TMEM244: variants seen among roughly 807,000 people sequenced by gnomAD.
TMEM244 encodes the protein putative transmembrane protein 244.
Under a neutral mutation model 15.8 loss-of-function variants are expected in TMEM244, and 13 were observed. That is an observed-to-expected ratio of 0.82 (90% confidence interval 0.53 to 1.30). The LOEUF is 1.30. TMEM244 is among the 50% of genes most tolerant of loss of function. The probability of loss-of-function intolerance (pLI) is 0.00; values close to 1 mark genes in which losing one functional copy is unlikely to be tolerated. For missense variants in TMEM244, 161 were observed against 144.9 expected (o/e 1.11, Z -0.57); for synonymous variants, 45 against 48.7 (o/e 0.92, Z 0.32).
Position 129,857,343 on chromosome 6 carries a change from T to C in TMEM244, c.33+3813A>G, listed in dbSNP as rs368357078. Among the ~76,000 whole-genome samples, 351 of 107,044 alleles carry C rather than the reference T, an allele frequency of 3.3e-3. 1 individual carries two copies. Among genetic ancestry groups the C allele is most frequent in the African/African-American group, 9.7e-3 (307 of 31,808 alleles). 70.2% of individuals were successfully genotyped at this position (107,044 alleles called of 152,430 possible). A position where few individuals can be genotyped will look rare whatever the true frequency, so the allele number is the denominator to read the frequency against. On this transcript the variant is annotated intron_variant, in intron 1 of 4. Transcript: ENST00000368143. Reference sequence around the variant, plus strand: ...ACACACACACACACACACACACACATATATATATACATATATAAATTATTT... The same window carrying C: ...ACACACACACACACACACACACACACATATATATACATATATAAATTATTT...
At chr6:129,831,552 T>C (rs376976847) in intron 4 of TMEM244, among the ~76,000 whole-genome samples, 166 bp from the exon 5 acceptor site, 1 of 152,190 alleles carries the variant, frequency 6.6e-6, no homozygotes, top group African/African-American at 2.4e-5. Flanking sequence ...GTCTAAAAGG[T>C]CATTTGTTAA....
chr6:129,853,510 G>C (rs1051132840), intron 1 of TMEM244, among the ~76,000 whole-genome samples: 2 of 151,516 alleles, frequency 1.3e-5, no homozygotes, highest in African/African-American at 4.9e-5. Flanking sequence ...ATGTGCACCA[G>C]TCTGCAAATT....
intron 1 of TMEM244, among the ~76,000 whole-genome samples, chr6:129,858,144 T>C (rs1301987158): frequency 6.6e-6 from 1 of 152,114 alleles, no homozygotes; most frequent in Non-Finnish European, 1.5e-5. Flanking sequence ...ATGTTTAGAT[T>C]TTTCTGTATT....
At chr6:129,832,346 C>A (rs1003083277) in intron 4 of TMEM244, among the ~76,000 whole-genome samples, 1 of 152,154 alleles carries the variant, frequency 6.6e-6, no homozygotes, top group Non-Finnish European at 1.5e-5. Flanking sequence ...GATCTGCCCA[C>A]CTCAGCCTCC....
chr6:129,839,341 C>T (rs1362524329), intron 3 of TMEM244, among the ~76,000 whole-genome samples: 4 of 152,162 alleles, frequency 2.6e-5, no homozygotes, highest in Non-Finnish European at 5.9e-5. Context: ...ATGATTGTCT[C>T]AATAGATGCA....
intron 4 of TMEM244, among the ~76,000 whole-genome samples, 183 bp from the exon 5 acceptor site, chr6:129,831,569 C>A (rs117830188): frequency 6.6e-6 from 1 of 152,192 alleles, no homozygotes; most frequent in Non-Finnish European, 1.5e-5. Context: ...TTAAGTCAAA[C>A]CTTTACAACT....
intron 1 of TMEM244, among the ~76,000 whole-genome samples, chr6:129,858,686 C>T (rs1776753544): frequency 6.6e-6 from 1 of 152,082 alleles, no homozygotes; most frequent in Non-Finnish European, 1.5e-5. Context: ...TCTTCAGCCC[C>T]CAAAATATTG....
At chr6:129,860,638 C>T (rs112468268) in intron 1 of TMEM244, among the ~76,000 whole-genome samples, 255 of 151,870 alleles carry the variant, frequency 1.7e-3, no homozygotes, top group Admixed American at 2.9e-3. Flanking sequence ...TCCTTGTTTT[C>T]GATTGTTTGA....
chr6:129,859,259 T>C (rs1776766117), intron 1 of TMEM244, among the ~76,000 whole-genome samples: 2 of 152,258 alleles, frequency 1.3e-5, no homozygotes, highest in Non-Finnish European at 2.9e-5. Context: ...TCTGAACATG[T>C]ATACAATTCT....
intron 2 of TMEM244, among the ~76,000 whole-genome samples, chr6:129,844,094 G>GA (rs35579699): frequency 0.74 from 112,836 of 151,898 alleles, 42,848 homozygotes; most frequent in Non-Finnish European, 0.82. Context: ...ATGTAATGTT[G>GA]AAAAAAGTTA....
Position 129,840,182 on chromosome 6 carries a change from C to T in TMEM244, c.193+3348G>A, listed in dbSNP as rs184009481. Among the ~76,000 whole-genome samples the T allele has an allele frequency of 4.2e-3, 645 of 152,276 alleles. 9 individuals carry two copies. The highest frequency in any genetic ancestry group is 0.041 in the South Asian group (197 of 4,822). On this transcript the variant is annotated intron_variant, in intron 3 of 4. Coordinates refer to ENST00000368143, the MANE Select transcript of TMEM244 (RefSeq NM_001010876.2). ...TCACGCTACCTGACTTCAAACTATG[C>T]TACACAGCTACAGTAACCAAAACAG...
intron 3 of TMEM244, among the ~76,000 whole-genome samples, chr6:129,840,130 T>G (rs1031970124): frequency 2.0e-5 from 3 of 152,198 alleles, no homozygotes; most frequent in Non-Finnish European, 2.9e-5. Flanking sequence ...AAGACAATCC[T>G]AAGCAAAAAG....
intron 2 of TMEM244, among the ~76,000 whole-genome samples, chr6:129,845,375 A>G (rs1353988015): frequency 6.6e-6 from 1 of 152,254 alleles, no homozygotes; most frequent in Non-Finnish European, 1.5e-5. Context: ...TCTTTCCATG[A>G]GCATCCTCTG....
At chr6:129,860,101 ATGCGTGTG>A (rs1776778605) in intron 1 of TMEM244, among the ~76,000 whole-genome samples, 4 of 112,874 alleles carry the variant, frequency 3.5e-5, no homozygotes, top group East Asian at 2.8e-4. Flanking sequence ...TTTCTCTGCA[ATGCGTGTG>A]TGTGTGTGTG....
chr6:129,853,286 C>G (rs1211760002), intron 1 of TMEM244, among the ~76,000 whole-genome samples: 4 of 152,014 alleles, frequency 2.6e-5, no homozygotes, highest in African/African-American at 9.7e-5. Context: ...AACGGCTCCT[C>G]TCTTTGGAAA....
intron 1 of TMEM244, among the ~76,000 whole-genome samples, chr6:129,846,426 C>T (rs1562199023): frequency 6.6e-6 from 1 of 151,992 alleles, no homozygotes; most frequent in Non-Finnish European, 1.5e-5. Context: ...TATTTGTTGA[C>T]AAATTTTATA....
chr6:129,841,863 C>T (rs1393376166), intron 3 of TMEM244, among the ~76,000 whole-genome samples: 2 of 152,044 alleles, frequency 1.3e-5, no homozygotes, highest in Non-Finnish European at 2.9e-5. Context: ...AAATACATGC[C>T]AAAGTCTCTG....
intron 4 of TMEM244, among the ~76,000 whole-genome samples, chr6:129,833,194 C>A (rs1465252031): frequency 6.6e-6 from 1 of 152,092 alleles, no homozygotes; most frequent in Non-Finnish European, 1.5e-5. Context: ...TACATGGGAA[C>A]TCTCAGTTAT....
chr6:129,838,401 C>A (rs1301040672), intron 3 of TMEM244, among the ~76,000 whole-genome samples: 1 of 152,116 alleles, frequency 6.6e-6, no homozygotes, highest in Non-Finnish European at 1.5e-5. Flanking sequence ...AACAAAGACA[C>A]AATGTATCAG....
Sources: gnomAD v4.1 joint callset for allele counts (sites outside exome capture counted in the v4.1 genomes callset) on GRCh38, gnomAD v4.1.1 for gene constraint, MANE v1.5 for transcripts, NCBI Gene and HGNC (gene_info 2026-07-23, HGNC 2026-07-21) for gene names.